TANGO6: variants seen among roughly 807,000 people sequenced by gnomAD.
TANGO6 encodes transport and golgi organization 6 homolog.
Under a neutral mutation model 114.2 loss-of-function variants are expected in TANGO6, and 90 were observed. That is an observed-to-expected ratio of 0.79 (90% CI 0.66 to 0.94). The LOEUF (loss-of-function observed/expected upper bound fraction) is 0.94, where lower values mean the gene tolerates loss of function less well. TANGO6 is among the 40% of genes least tolerant of loss of function. The pLI is 0.00. For synonymous variants in TANGO6, 477 were observed against 509.8 expected (o/e 0.94, Z 0.87); for missense variants, 1,274 against 1,315.3 (o/e 0.97, Z 0.49).
chr16:68,963,006 A>G (rs577803274), intron 14 of TANGO6, among the ~76,000 whole-genome samples: 2 of 150,076 alleles, frequency 1.3e-5, no homozygotes, highest in African/African-American at 4.9e-5. Flanking sequence ...AGGCAGGAGA[A>G]TGCCATGAAC....
At chr16:68,922,431 G>A (rs1963106363) in intron 12 of TANGO6, among the ~76,000 whole-genome samples, 3 of 152,098 alleles carry the variant, frequency 2.0e-5, no homozygotes, top group South Asian at 2.1e-4. Context: ...AGCTACTTGG[G>A]AGGCTGAGGC....
At chr16:68,863,465 C>T (rs1455319175) in intron 3 of TANGO6, among the ~76,000 whole-genome samples, 1 of 152,038 alleles carries the variant, frequency 6.6e-6, no homozygotes, top group African/African-American at 2.4e-5. Context: ...AAACAATTAG[C>T]TGGGTGTGGT....
At chr16:68,924,915 T>C (rs1379285143) in intron 12 of TANGO6, among the ~76,000 whole-genome samples, 1 of 152,124 alleles carries the variant, frequency 6.6e-6, no homozygotes, top group Non-Finnish European at 1.5e-5. Context: ...GGCACCTGGT[T>C]GTCCAGCCCG....
At chr16:68,927,510 G>A in intron 12 of TANGO6, 58 bp from the exon 13 acceptor site, 10 of 1,562,450 alleles carry the variant, frequency 6.4e-6, no homozygotes, top group Non-Finnish European at 8.7e-6. Flanking sequence ...TGGTGCTCAG[G>A]TCATATTGAA....
At chr16:68,949,244 C>T (rs1390813465) in intron 14 of TANGO6, among the ~76,000 whole-genome samples, 1 of 152,134 alleles carries the variant, frequency 6.6e-6, no homozygotes, top group African/African-American at 2.4e-5. Context: ...TTACTGAGAG[C>T]GTGAGTTAAG....
chr16:68,965,599 C>G (rs1056044511), intron 14 of TANGO6, among the ~76,000 whole-genome samples: 1 of 151,398 alleles, frequency 6.6e-6, no homozygotes, highest in Non-Finnish European at 1.5e-5. Context: ...CTCAGGAGTT[C>G]AAGACCAGCC....
chr16:69,025,334 G>A (rs1456556465), intron 16 of TANGO6, among the ~76,000 whole-genome samples: 3 of 152,218 alleles, frequency 2.0e-5, no homozygotes, highest in Non-Finnish European at 4.4e-5. Context: ...GAGCTGGAGA[G>A]AGGACATGAA....
chr16:69,036,994 G>T (rs1959699249), intron 16 of TANGO6, among the ~76,000 whole-genome samples: 1 of 151,518 alleles, frequency 6.6e-6, no homozygotes, highest in African/African-American at 2.4e-5. Context: ...AAGAAGGCTG[G>T]GCATGGTGGT....
At chr16:68,883,496 G>T (rs1041579936) in intron 7 of TANGO6, among the ~76,000 whole-genome samples, 5 of 152,100 alleles carry the variant, frequency 3.3e-5, no homozygotes, top group African/African-American at 1.2e-4. Flanking sequence ...TTGCCAAATG[G>T]TATTCTCTTG....
intron 17 of TANGO6, among the ~76,000 whole-genome samples, chr16:69,048,284 T>G (rs1032756468): frequency 1.0e-5 from 1 of 95,966 alleles, no homozygotes; most frequent in Non-Finnish European, 2.2e-5. Flanking sequence ...TTTTTTTTTG[T>G]AGAGGTGGGG....
At chr16:69,056,919 A>G (rs1960040288) in intron 17 of TANGO6, among the ~76,000 whole-genome samples, 2 of 148,254 alleles carry the variant, frequency 1.3e-5, no homozygotes. Context: ...TGACCTCTTG[A>G]TCCGCCTGCC....
intron 11 of TANGO6, among the ~76,000 whole-genome samples, chr16:68,914,766 T>C (rs2152188719): frequency 6.6e-6 from 1 of 152,212 alleles, no homozygotes; most frequent in South Asian, 2.1e-4. Flanking sequence ...GAGGAGCTGC[T>C]GTCCAAATGG....
chr16:69,040,213 T>G (rs1959750987), intron 16 of TANGO6, 95 bp from the exon 17 acceptor site: 5 of 1,069,374 alleles, frequency 4.7e-6, no homozygotes, highest in Non-Finnish European at 6.9e-6. Context: ...CAGATTGCTC[T>G]TGATGAATGT....
chr16:68,973,168 G>C (rs1403524931), intron 14 of TANGO6: 1 of 455,926 alleles, frequency 2.2e-6, no homozygotes, highest in East Asian at 6.9e-5. Flanking sequence ...ACCAATGAGG[G>C]GATTATTGGA....
chr16:68,924,420 G>A (rs1963140480), intron 12 of TANGO6, among the ~76,000 whole-genome samples: 1 of 151,934 alleles, frequency 6.6e-6, no homozygotes, highest in African/African-American at 2.4e-5. Context: ...CCAAGAGGCA[G>A]AAGTTGCAGT....
chr16:69,001,526 CAG>C (rs946923051), intron 15 of TANGO6, among the ~76,000 whole-genome samples: 2 of 152,146 alleles, frequency 1.3e-5, no homozygotes, highest in Non-Finnish European at 2.9e-5. Flanking sequence ...TATAAATACA[CAG>C]ACAGACAGAA....
intron 15 of TANGO6, among the ~76,000 whole-genome samples, chr16:69,016,587 G>C (rs552514813): frequency 6.6e-6 from 1 of 152,116 alleles, no homozygotes; most frequent in South Asian, 2.1e-4. Context: ...ATTTGCAGTA[G>C]CCATTCTTAG....
intron 17 of TANGO6, among the ~76,000 whole-genome samples, chr16:69,069,854 G>A (rs928786361): frequency 6.6e-6 from 1 of 152,004 alleles, no homozygotes; most frequent in Non-Finnish European, 1.5e-5. Context: ...CTTGGATCTC[G>A]CGCAAGAAAG....
chr16:69,023,220 G>A (rs2152228329), intron 16 of TANGO6, among the ~76,000 whole-genome samples: 2 of 152,138 alleles, frequency 1.3e-5, no homozygotes, highest in Middle Eastern at 6.8e-3. Context: ...CTTTGGGAGG[G>A]CGAGGCGGGT....
Sources: gnomAD v4.1 joint callset for allele counts (sites outside exome capture counted in the v4.1 genomes callset) on GRCh38, gnomAD v4.1.1 for gene constraint, MANE v1.5 for transcripts, NCBI Gene and HGNC (gene_info 2026-07-23, HGNC 2026-07-21) for gene names.